TTLL5: variants seen among roughly 807,000 people sequenced by gnomAD.
TTLL5 encodes tubulin tyrosine ligase like 5.
TTLL5 carries 132 observed loss-of-function variants against 168.4 expected under a neutral mutation model. The observed-to-expected ratio is 0.78, with a 90% CI of 0.68 to 0.91. TTLL5 has a LOEUF of 0.91. Ranked by LOEUF, TTLL5 falls within the 40% of genes least tolerant of loss-of-function variation. TTLL5 has a pLI of 0.00. For missense variants in TTLL5, 1,545 were observed against 1,581.5 expected, an observed-to-expected ratio of 0.98 and a Z score of 0.39; for synonymous variants, 546 against 558.6, an observed-to-expected ratio of 0.98 and a Z score of 0.32.
chr14:75,893,454 T>C (rs901083070), intron 30 of TTLL5, among the ~76,000 whole-genome samples: 2 of 152,200 alleles, frequency 1.3e-5, no homozygotes, highest in Non-Finnish European at 2.9e-5. Context: ...TAGAAAACAG[T>C]AGCCAATTAC....
chr14:75,887,640 C>T (rs2032186415), intron 30 of TTLL5, among the ~76,000 whole-genome samples: 1 of 152,162 alleles, frequency 6.6e-6, no homozygotes, highest in African/African-American at 2.4e-5. Flanking sequence ...CAAACTGGAA[C>T]TTATATGACC....
chr14:75,666,573 T>C (rs927366179), intron 2 of TTLL5, among the ~76,000 whole-genome samples: 4 of 152,210 alleles, frequency 2.6e-5, no homozygotes, highest in African/African-American at 9.6e-5. Context: ...GTGGGTGCTA[T>C]AGGAGTTCAG....
At chr14:75,938,827 T>G (rs967834238) in intron 31 of TTLL5, among the ~76,000 whole-genome samples, 3 of 152,116 alleles carry the variant, frequency 2.0e-5, no homozygotes, top group Admixed American at 6.5e-5. Flanking sequence ...CCCTAGCACA[T>G]GAGATCTCTT....
chr14:75,861,841 A>T lies in TTLL5; in HGVS notation c.3327-1826A>T, dbSNP rs145951795. Among the ~76,000 whole-genome samples the T allele has an allele frequency of 1.1e-3, 171 of 152,362 alleles. 1 individual carries two copies. The highest frequency in any genetic ancestry group is 4.0e-3 in the African/African-American group (167 of 41,596). On this transcript the variant is annotated intron_variant, in intron 28 of 31. Transcript: ENST00000298832. Reference sequence around the variant, plus strand: ...AAAGAAATGAGACCTTTAGAAAATCATACTAAAATATATTTAGCATAAAAT... The same window carrying T: ...AAAGAAATGAGACCTTTAGAAAATCTTACTAAAATATATTTAGCATAAAAT...
At chr14:75,891,815 C>T (rs574254126) in intron 30 of TTLL5, among the ~76,000 whole-genome samples, 2 of 152,280 alleles carry the variant, frequency 1.3e-5, no homozygotes, top group Admixed American at 1.3e-4. Context: ...GGTTCCTTGG[C>T]TTAACTAACT....
In TTLL5 at chr14:75,861,986, T is replaced by C. The variant is rs75556057; in HGVS notation, c.3327-1681T>C. Among the ~76,000 whole-genome samples the C allele has an allele frequency of 1.7e-3, 256 of 152,358 alleles. 7 individuals carry two copies. In the East Asian group the frequency reaches 0.043, roughly 25 times the overall value. ...TTGTCATTATGCCAAACTGAAGCTCTGTACTCACTGAAAAATGACTTCCTA... is the reference window on the plus strand; with the variant it reads ...TTGTCATTATGCCAAACTGAAGCTCCGTACTCACTGAAAAATGACTTCCTA... On this transcript the variant is annotated intron_variant, in intron 28 of 31. Coordinates refer to ENST00000298832, the MANE Select transcript of TTLL5 (RefSeq NM_015072.5).
At chr14:75,789,132 T>A (rs1398120001) in intron 26 of TTLL5, among the ~76,000 whole-genome samples, 1 of 152,154 alleles carries the variant, frequency 6.6e-6, no homozygotes, top group Non-Finnish European at 1.5e-5. Context: ...CTGCAAGAGC[T>A]ATCAGCCTAA....
intron 5 of TTLL5, among the ~76,000 whole-genome samples, chr14:75,685,785 A>G (rs1884997932): frequency 6.6e-6 from 1 of 152,224 alleles, no homozygotes; most frequent in South Asian, 2.1e-4. Context: ...AGAAAGCTAT[A>G]TATTTAAAAA....
At chr14:75,753,833 A>G (rs1308582656) in intron 18 of TTLL5, among the ~76,000 whole-genome samples, 1 of 152,094 alleles carries the variant, frequency 6.6e-6, no homozygotes, top group Non-Finnish European at 1.5e-5. Context: ...AACTTTTACA[A>G]GGTTTCTTTT....
intron 2 of TTLL5, among the ~76,000 whole-genome samples, chr14:75,669,137 C>G (rs552643672): frequency 6.6e-6 from 1 of 152,318 alleles, no homozygotes; most frequent in African/African-American, 2.4e-5. Flanking sequence ...AACTTATGGG[C>G]TCCAATTGGT....
intron 18 of TTLL5, among the ~76,000 whole-genome samples, chr14:75,756,555 T>A (rs1200791313): frequency 6.6e-6 from 1 of 151,882 alleles, no homozygotes; most frequent in Non-Finnish European, 1.5e-5. Context: ...TTGCCCAGGC[T>A]GGAGTGCAGT....
At chr14:75,913,004 T>C (rs1209350251) in intron 31 of TTLL5, among the ~76,000 whole-genome samples, 2 of 152,226 alleles carry the variant, frequency 1.3e-5, no homozygotes, top group Admixed American at 6.5e-5. Flanking sequence ...TGCATGTGTC[T>C]TAGGCAATCC....
At chr14:75,890,262 A>G (rs113172930) in intron 30 of TTLL5, among the ~76,000 whole-genome samples, 1 of 152,258 alleles carries the variant, frequency 6.6e-6, no homozygotes, top group Non-Finnish European at 1.5e-5. Context: ...AAAAGGAACC[A>G]TAAAACAAAG....
chr14:75,820,595 T>C (rs1263540318), intron 28 of TTLL5: 1 of 154,700 alleles, frequency 6.5e-6, no homozygotes, highest in African/African-American at 2.4e-5. Flanking sequence ...TCTTATTTTT[T>C]TATCTAGTTT....
Position 75,666,837 on chromosome 14 carries a change from A to G in TTLL5, c.75-2579A>G, listed in dbSNP as rs78698375. Among the ~76,000 whole-genome samples the G allele has an allele frequency of 8.6e-4, 131 of 152,344 alleles. 1 individual carries two copies. In the East Asian group the frequency reaches 0.014, roughly 16 times the overall value. ...ATGAAATTATTCCCGGAAAACCAAA[A>G]TGTTTTTAGGCTTTCAATAAAGTGA... On this transcript the variant is annotated intron_variant, in intron 2 of 31. Coordinates refer to ENST00000298832, the MANE Select transcript of TTLL5 (RefSeq NM_015072.5).
intron 12 of TTLL5, among the ~76,000 whole-genome samples, chr14:75,724,610 A>G (rs1176662043): frequency 6.6e-6 from 1 of 152,214 alleles, no homozygotes; most frequent in Non-Finnish European, 1.5e-5. Flanking sequence ...TCCAGGTTCT[A>G]GAGTTAGTGA....
intron 18 of TTLL5, among the ~76,000 whole-genome samples, chr14:75,764,373 C>G (rs1890835196): frequency 6.6e-6 from 1 of 152,178 alleles, no homozygotes; most frequent in African/African-American, 2.4e-5. Context: ...TCACTGAACA[C>G]TTAAAGGTCT....
At chr14:75,788,441 A>G (rs1378831700) in intron 26 of TTLL5, among the ~76,000 whole-genome samples, 1 of 152,152 alleles carries the variant, frequency 6.6e-6, no homozygotes, top group Non-Finnish European at 1.5e-5. Flanking sequence ...GACATAGAAA[A>G]TATAAATACA....
At chr14:75,774,621 C>T (rs1263054295) in intron 21 of TTLL5, among the ~76,000 whole-genome samples, 1 of 152,136 alleles carries the variant, frequency 6.6e-6, no homozygotes, top group Non-Finnish European at 1.5e-5. Context: ...CAGCTCCAGC[C>T]TCTTGGAAGC....
Sources: allele counts gnomAD v4.1 joint callset (sites outside exome capture counted in the v4.1 genomes callset), GRCh38; gene constraint gnomAD v4.1.1; transcripts MANE v1.5; gene names NCBI Gene and HGNC (gene_info 2026-07-23, HGNC 2026-07-21).